The following AOPEP variants were observed in gnomAD, a reference collection of about 807,000 sequenced individuals.
AOPEP encodes aminopeptidase O (putative).
AOPEP carries 77 observed loss-of-function variants against 98.1 expected under a neutral mutation model. That is an observed-to-expected ratio of 0.78 (90% CI 0.65 to 0.95). The LOEUF (loss-of-function observed/expected upper bound fraction) is 0.95, where lower values mean the gene tolerates loss of function less well. AOPEP is among the 40% of genes least tolerant of loss of function. The pLI is 0.00. For missense variants in AOPEP, 1,024 were observed against 1,024.7 expected, an observed-to-expected ratio of 1.00 and a Z score of 0.01; for synonymous variants, 346 against 365.3, an observed-to-expected ratio of 0.95 and a Z score of 0.60.
chr9:95,010,613 C>A (rs1197406353), intron 13 of AOPEP, among the ~76,000 whole-genome samples: 2 of 152,238 alleles, frequency 1.3e-5, no homozygotes, highest in Non-Finnish European at 2.9e-5. Flanking sequence ...AACTAGTCTA[C>A]ATTTATATAG....
intron 13 of AOPEP, among the ~76,000 whole-genome samples, chr9:95,008,179 C>T (rs549895779): frequency 1.3e-5 from 2 of 152,268 alleles, no homozygotes; most frequent in East Asian, 1.9e-4. Flanking sequence ...TCCTTGCCTC[C>T]GTTCATCCCC....
At chr9:95,024,955 G>A (rs965458453) in intron 13 of AOPEP, among the ~76,000 whole-genome samples, 2 of 149,238 alleles carry the variant, frequency 1.3e-5, no homozygotes, top group Non-Finnish European at 3.0e-5. Context: ...TACTTTATTA[G>A]CTTCATATTT....
chr9:94,771,947 G>C (rs1443518983), intron 2 of AOPEP, among the ~76,000 whole-genome samples: 1 of 152,168 alleles, frequency 6.6e-6, no homozygotes, highest in South Asian at 2.1e-4. Context: ...TTAAGACCTA[G>C]ACTGGTTTCT....
chr9:94,995,136 A>G (rs2061141083), intron 11 of AOPEP, among the ~76,000 whole-genome samples: 1 of 152,202 alleles, frequency 6.6e-6, no homozygotes, highest in African/African-American at 2.4e-5. Context: ...ACTTGTTTGT[A>G]GTAGCTCAGA....
At chr9:95,103,275 C>T in the AOPEP span, among the ~76,000 whole-genome samples, 56 of 152,162 alleles carry the variant, frequency 3.7e-4, 1 homozygote, top group Admixed American at 3.3e-3. Flanking sequence ...GGGCCCCTTC[C>T]CAGCTCTCTA....
chr9:94,756,847 C>G (rs568385558), intron 1 of AOPEP, among the ~76,000 whole-genome samples: 2 of 152,016 alleles, frequency 1.3e-5, no homozygotes, highest in South Asian at 4.2e-4. Flanking sequence ...GGGAGGCTAC[C>G]CCCCGTTCTG....
At chr9:94,861,305 A>T (rs905238578) in intron 5 of AOPEP, among the ~76,000 whole-genome samples, 1 of 152,180 alleles carries the variant, frequency 6.6e-6, no homozygotes, top group Admixed American at 6.5e-5. Flanking sequence ...GCAACTGAGG[A>T]TGGCTGTTTA....
chr9:94,787,836 C>T (rs1844774689), intron 3 of AOPEP, among the ~76,000 whole-genome samples: 1 of 152,044 alleles, frequency 6.6e-6, no homozygotes, highest in Non-Finnish European at 1.5e-5. Flanking sequence ...CTCCATTTTT[C>T]CTGCTTTTTA....
At chr9:94,817,742 C>A (rs1297692609) in intron 5 of AOPEP, among the ~76,000 whole-genome samples, 1 of 152,152 alleles carries the variant, frequency 6.6e-6, no homozygotes, top group Non-Finnish European at 1.5e-5. Flanking sequence ...GAACTTTAGG[C>A]CTAGATTTGG....
intron 3 of AOPEP, among the ~76,000 whole-genome samples, chr9:94,789,974 C>T (rs1845309430): frequency 6.6e-6 from 1 of 150,768 alleles, no homozygotes; most frequent in South Asian, 2.1e-4. Flanking sequence ...CCCGGGTTCA[C>T]GCCATTCTCC....
intron 11 of AOPEP, among the ~76,000 whole-genome samples, chr9:95,002,496 A>C (rs974717348): frequency 6.6e-6 from 1 of 152,246 alleles, no homozygotes; most frequent in African/African-American, 2.4e-5. Context: ...ATAATGTATC[A>C]ATATTGGTTC....
intron 5 of AOPEP, among the ~76,000 whole-genome samples, chr9:94,859,317 G>C (rs1290161917): frequency 6.6e-6 from 1 of 152,200 alleles, no homozygotes; most frequent in African/African-American, 2.4e-5. Flanking sequence ...GTGGTACTTT[G>C]TTCTAGCAGC....
At position 94,930,079 on chromosome 9, in the gene AOPEP, G is replaced by A. The variant is rs989330808; in HGVS notation, c.1661+1548G>A. 6.6e-6 allele frequency among the ~76,000 whole-genome samples: 1 copy of A among 152,134 alleles called. No individual in the cohort carries two copies. The highest frequency in any genetic ancestry group is 2.4e-5 in the African/African-American group (1 of 41,420). On this transcript the variant is annotated intron_variant, in intron 7 of 16. Coordinates refer to ENST00000375315, the MANE Select transcript of AOPEP (RefSeq NM_001193329.3). This position sits in a 1 kb window ranked among gnomAD's most constrained non-coding sequence, Gnocchi z 4.5. Reference sequence around the variant, plus strand: ...GGTATGATCTGCTCAGTATTTGGACGGTGCTGCTCTGCTGCTGTGTGGAGA... The same window carrying A: ...GGTATGATCTGCTCAGTATTTGGACAGTGCTGCTCTGCTGCTGTGTGGAGA...
intron 5 of AOPEP, among the ~76,000 whole-genome samples, chr9:94,809,347 G>A (rs1171700284): frequency 1.3e-5 from 2 of 152,210 alleles, no homozygotes; most frequent in Admixed American, 1.3e-4. Context: ...GACAGAGACA[G>A]GATAAGCAGT....
At chr9:95,074,622 A>T (rs1260922367) in intron 14 of AOPEP, among the ~76,000 whole-genome samples, 1 of 152,272 alleles carries the variant, frequency 6.6e-6, no homozygotes, top group East Asian at 1.9e-4. Context: ...AGATGTCCAA[A>T]GTAATTTTTA....
the AOPEP span, chr9:95,123,250 G>A: frequency 7.9e-6 from 2 of 252,626 alleles, no homozygotes; most frequent in African/African-American, 4.7e-5. Context: ...GCTGCAGTGA[G>A]CCATGATCAT....
At chr9:94,769,615 A>C (rs1840401655) in intron 2 of AOPEP, among the ~76,000 whole-genome samples, 1 of 152,214 alleles carries the variant, frequency 6.6e-6, no homozygotes, top group African/African-American at 2.4e-5. Context: ...CTTGATCTAC[A>C]TGTTCAGAGT....
chr9:95,084,979 G>T (rs1056565549), intron 16 of AOPEP, among the ~76,000 whole-genome samples: 1 of 152,204 alleles, frequency 6.6e-6, no homozygotes, highest in Non-Finnish European at 1.5e-5. Flanking sequence ...TGTGTGTGTC[G>T]CATGGCCGGT....
the AOPEP span, chr9:95,123,300 T>C: frequency 1.7e-5 from 5 of 294,750 alleles, no homozygotes; most frequent in South Asian, 1.5e-4. Flanking sequence ...TAAGAGCCTG[T>C]CTCAAAAAAT....
Sources: gnomAD v4.1 joint callset for allele counts (sites outside exome capture counted in the v4.1 genomes callset) on GRCh38, gnomAD v4.1.1 for gene constraint, Gnocchi (gnomAD v3.1) non-coding constraint, MANE v1.5 for transcripts, NCBI Gene and HGNC (gene_info 2026-07-23, HGNC 2026-07-21) for gene names.